The following EPHA5 variants were observed in gnomAD, a reference collection of about 807,000 sequenced individuals.
The protein encoded by EPHA5 is ephrin type-A receptor 5.
A neutral mutation model predicts 105.0 loss-of-function variants in EPHA5; 60 were observed. That is an observed-to-expected ratio of 0.57 (90% CI 0.46 to 0.71). EPHA5 has a LOEUF of 0.71. Among genes scored for constraint, EPHA5 ranks in the 30% least tolerant of loss-of-function variants. The probability of loss-of-function intolerance (pLI) is 0.00; values close to 1 mark genes in which losing one functional copy is unlikely to be tolerated. For synonymous variants in EPHA5, 513 were observed against 449.1 expected, an observed-to-expected ratio of 1.14 and a Z score of -1.80; for missense variants, 1,218 against 1,274.7, an observed-to-expected ratio of 0.96 and a Z score of 0.68.
At position 65,354,872 on chromosome 4, in the gene EPHA5, T is replaced by G. The variant is rs28374694; in HGVS notation, c.2174-1769A>C. On this transcript the variant is annotated intron_variant, in intron 11 of 16. Transcript: ENST00000613740. The stretch of plus-strand genomic sequence containing the variant: ...TAAGTCTAATTCTCACTTAATTATC[T>G]TCTTATAAAATACTCGAGACAATAT... Among the ~76,000 whole-genome samples, 1,497 of 151,946 alleles carry G rather than the reference T, an allele frequency of 9.9e-3. 23 individuals are homozygous for G. Among genetic ancestry groups the G allele is most frequent in the African/African-American group, 0.034 (1,423 of 41,520 alleles).
At chr4:65,371,673 C>T (rs1188099890) in intron 8 of EPHA5, among the ~76,000 whole-genome samples, 5 of 151,978 alleles carry the variant, frequency 3.3e-5, no homozygotes, top group Non-Finnish European at 1.5e-5. Context: ...TTATAAATGG[C>T]ACTCTTGTGA....
At position 65,546,717 on chromosome 4, in the gene EPHA5, A is replaced by G. The variant is rs1380317321; in HGVS notation, c.911-51174T>C. ...GACTTTCAACATTTCATCAACTAGT[A>G]AGAGCAATTTACAATGTCTGCGAAC... On this transcript the variant is annotated intron_variant, in intron 3 of 16. Transcript: ENST00000613740. Among the ~76,000 whole-genome samples, 2 of 152,088 alleles carry G rather than the reference A, an allele frequency of 1.3e-5. 1 individual carries two copies. The highest frequency in any genetic ancestry group is 2.9e-5 in the Non-Finnish European group (2 of 67,996).
chr4:65,365,653 A>G (rs1374847783), intron 10 of EPHA5, among the ~76,000 whole-genome samples: 59 of 25,158 alleles, frequency 2.3e-3, no homozygotes, highest in African/African-American at 0.019. Flanking sequence ...AATTCACTAT[A>G]TATATATATA....
chr4:65,496,678 C>T (rs1356861128), intron 3 of EPHA5, among the ~76,000 whole-genome samples: 15 of 151,692 alleles, frequency 9.9e-5, no homozygotes, highest in African/African-American at 3.1e-4. Context: ...TGAATAATGC[C>T]GCAATAAACA....
intron 14 of EPHA5, among the ~76,000 whole-genome samples, chr4:65,337,049 T>C (rs1354539416): frequency 2.0e-5 from 3 of 152,122 alleles, no homozygotes; most frequent in South Asian, 2.1e-4. Context: ...ATGATTAGCA[T>C]AGGAAATTTA....
At chr4:65,573,393 C>A (rs548981973) in intron 3 of EPHA5, 13 of 973,186 alleles carry the variant, frequency 1.3e-5, no homozygotes, top group Non-Finnish European at 1.8e-5. Context: ...CCTGGGTGAC[C>A]GAGCCAGACT....
chr4:65,658,624 T>C (rs1030471680), intron 1 of EPHA5, among the ~76,000 whole-genome samples: 1 of 152,082 alleles, frequency 6.6e-6, no homozygotes, highest in Non-Finnish European at 1.5e-5. Flanking sequence ...TTAATAATAA[T>C]TCAATCTTTT....
chr4:65,605,578 T>C (rs1176140097), intron 2 of EPHA5, among the ~76,000 whole-genome samples: 1 of 152,190 alleles, frequency 6.6e-6, no homozygotes. Context: ...AGAGACAATT[T>C]TAACCTTTCA....
At chr4:65,636,029 TA>T (rs1457631177) in intron 2 of EPHA5, among the ~76,000 whole-genome samples, 6 of 152,194 alleles carry the variant, frequency 3.9e-5, no homozygotes, top group African/African-American at 1.4e-4. Context: ...TATGAAGTTT[TA>T]AAATTGATTC....
At chr4:65,516,759 C>T (rs1463457103) in intron 3 of EPHA5, among the ~76,000 whole-genome samples, 1 of 152,028 alleles carries the variant, frequency 6.6e-6, no homozygotes, top group Non-Finnish European at 1.5e-5. Flanking sequence ...ATTTCTCTTT[C>T]TTGCCTTATT....
At chr4:65,465,695 G>A (rs534703201) in intron 5 of EPHA5, among the ~76,000 whole-genome samples, 71 of 152,146 alleles carry the variant, frequency 4.7e-4, no homozygotes, top group African/African-American at 1.7e-3. Flanking sequence ...CCCTGCTGTT[G>A]GACTATGTAG....
At position 65,551,955 on chromosome 4, in the gene EPHA5, T is replaced by C. The variant is rs564545473; in HGVS notation, c.910+49686A>G. On this transcript the variant is annotated intron_variant, in intron 3 of 16. Transcript: ENST00000613740. ...TATATTTTGGTAATTTTTTTCCTCCTACAAACTGGTGGCACGAAAATACAA... is the reference window on the plus strand; with the variant it reads ...TATATTTTGGTAATTTTTTTCCTCCCACAAACTGGTGGCACGAAAATACAA... Among the ~76,000 whole-genome samples, 5 of 152,300 alleles carry C rather than the reference T, an allele frequency of 3.3e-5. No homozygotes were observed. The South Asian group carries it at 1.0e-3, about 32-fold the overall frequency.
chr4:65,374,512 C>G (rs1361865641), intron 8 of EPHA5, among the ~76,000 whole-genome samples: 1 of 151,948 alleles, frequency 6.6e-6, no homozygotes, highest in South Asian at 2.1e-4. Flanking sequence ...ATTAGAATCG[C>G]AGAGCCTTGC....
intron 8 of EPHA5, among the ~76,000 whole-genome samples, chr4:65,381,471 T>A (rs1577968486): frequency 6.6e-6 from 1 of 151,758 alleles, no homozygotes; most frequent in East Asian, 1.9e-4. Flanking sequence ...TCAAAAAAAA[T>A]TAAACAAATC....
chr4:65,427,359 T>A (rs58719870), intron 5 of EPHA5, among the ~76,000 whole-genome samples: 4,823 of 151,962 alleles, frequency 0.032, 261 homozygotes, highest in African/African-American at 0.11. Context: ...AATTTTTGTA[T>A]TTTTAGTAGA....
intron 8 of EPHA5, among the ~76,000 whole-genome samples, chr4:65,392,309 A>G (rs1012764342): frequency 2.0e-5 from 3 of 152,118 alleles, no homozygotes; most frequent in African/African-American, 7.2e-5. Context: ...AGTCACATCT[A>G]TTGCTAACTC....
intron 2 of EPHA5, among the ~76,000 whole-genome samples, chr4:65,636,333 T>C (rs1257228293): frequency 6.6e-6 from 1 of 152,138 alleles, no homozygotes; most frequent in Non-Finnish European, 1.5e-5. Flanking sequence ...GCATGGACTC[T>C]TGTAGGTATA....
chr4:65,480,871 A>T (rs980778831), intron 5 of EPHA5, among the ~76,000 whole-genome samples: 1 of 151,372 alleles, frequency 6.6e-6, no homozygotes, highest in Non-Finnish European at 1.5e-5. Flanking sequence ...ACAAACATTA[A>T]TAATAATAAT....
intron 7 of EPHA5, among the ~76,000 whole-genome samples, chr4:65,409,783 G>A (rs1722744149): frequency 6.6e-6 from 1 of 152,064 alleles, no homozygotes; most frequent in Non-Finnish European, 1.5e-5. Context: ...AAAACAGTAT[G>A]GTAGGCAAAT....
Sources: allele counts gnomAD v4.1 joint callset (sites outside exome capture counted in the v4.1 genomes callset), GRCh38; gene constraint gnomAD v4.1.1; transcripts MANE v1.5; gene names NCBI Gene and HGNC (gene_info 2026-07-23, HGNC 2026-07-21).